Variants in PRKAG2 observed in about 807,000 individuals in gnomAD.
PRKAG2 encodes 5'-AMP-activated protein kinase subunit gamma-2.
Under a neutral mutation model 69.6 loss-of-function variants are expected in PRKAG2, and 26 were observed. That is an observed-to-expected ratio of 0.37 (90% CI 0.27 to 0.52). PRKAG2 has a LOEUF of 0.52. PRKAG2 is among the 20% of genes least tolerant of loss of function. The probability of loss-of-function intolerance (pLI) is 0.90; values close to 1 mark genes in which losing one functional copy is unlikely to be tolerated. For synonymous variants in PRKAG2, 293 were observed against 285.0 expected, an observed-to-expected ratio of 1.03 and a Z score of -0.28; for missense variants, 557 against 740.0, an observed-to-expected ratio of 0.75 and a Z score of 2.87.
chr7:151,762,339 A>G (rs1195774382), intron 3 of PRKAG2, among the ~76,000 whole-genome samples: 1 of 152,210 alleles, frequency 6.6e-6, no homozygotes, highest in Non-Finnish European at 1.5e-5. Context: ...AGGCTTGGCT[A>G]TCTCACAGTA....
At chr7:151,618,309 C>T (rs1386760578) in intron 5 of PRKAG2, among the ~76,000 whole-genome samples, 6 of 151,834 alleles carry the variant, frequency 4.0e-5, no homozygotes, top group African/African-American at 4.8e-5. Flanking sequence ...AAAAATTAGC[C>T]GGGCATGGTG....
At chr7:151,737,414 A>G (rs2151702494) in intron 3 of PRKAG2, among the ~76,000 whole-genome samples, 1 of 152,028 alleles carries the variant, frequency 6.6e-6, no homozygotes, top group East Asian at 1.9e-4. Flanking sequence ...GATTCTTCCC[A>G]AATGACTATG....
chr7:151,688,413 T>C (rs1326246717), intron 3 of PRKAG2, among the ~76,000 whole-genome samples: 1 of 152,236 alleles, frequency 6.6e-6, no homozygotes, highest in African/African-American at 2.4e-5. Context: ...GCTATCGCTA[T>C]GATGTAAAAC....
chr7:151,838,254 T>C (rs975334828), intron 1 of PRKAG2, among the ~76,000 whole-genome samples: 3 of 152,130 alleles, frequency 2.0e-5, no homozygotes, highest in African/African-American at 7.2e-5. Context: ...AGCGGGGCTG[T>C]GGCGTTGCAC....
chr7:151,699,500 T>C lies in PRKAG2; in HGVS notation c.467-23863A>G, dbSNP rs1157360708. On this transcript the variant is annotated intron_variant, in intron 3 of 15. Transcript: ENST00000287878. This position sits in a 1 kb window ranked among gnomAD's most constrained non-coding sequence, Gnocchi z 4.5. The stretch of plus-strand genomic sequence containing the variant: ...CAGCACAGGAGGCCCCTCCTTCCTG[T>C]TGGAGATGTTTAGTTTTATGATTAA... Among the ~76,000 whole-genome samples the C allele has an allele frequency of 6.6e-6, 1 of 152,140 alleles. No individual in the cohort carries two copies. Among genetic ancestry groups the C allele is most frequent in the Admixed American group, 6.5e-5 (1 of 15,274 alleles).
At chr7:151,658,111 T>C (rs1036185486) in intron 4 of PRKAG2, among the ~76,000 whole-genome samples, 3 of 150,414 alleles carry the variant, frequency 2.0e-5, no homozygotes, top group Admixed American at 6.7e-5. Context: ...TGAGCCGAGA[T>C]TGCGCCACTG....
intron 3 of PRKAG2, among the ~76,000 whole-genome samples, chr7:151,775,193 A>C (rs2076279777): frequency 6.6e-6 from 1 of 152,134 alleles, no homozygotes. Context: ...TGCCAACTGG[A>C]CCTCTTATCC....
chr7:151,669,130 A>T (rs762306870), intron 4 of PRKAG2, among the ~76,000 whole-genome samples: 8 of 151,434 alleles, frequency 5.3e-5, no homozygotes, highest in Non-Finnish European at 1.2e-4. Flanking sequence ...CCAATCTTTA[A>T]TTTCTCCCTG....
chr7:151,747,786 G>T (rs919047209), intron 3 of PRKAG2, among the ~76,000 whole-genome samples: 2 of 152,002 alleles, frequency 1.3e-5, no homozygotes, highest in Non-Finnish European at 2.9e-5. Context: ...TTTCAGATTG[G>T]CTTTATCCCA....
intron 3 of PRKAG2, among the ~76,000 whole-genome samples, chr7:151,754,924 A>T (rs2074975093): frequency 6.6e-6 from 1 of 152,086 alleles, no homozygotes; most frequent in Admixed American, 6.6e-5. Context: ...ACCTGTGTCT[A>T]TCTGCAGGAA....
intron 3 of PRKAG2, chr7:151,735,952 C>T: frequency 6.5e-7 from 1 of 1,536,392 alleles, no homozygotes; most frequent in Non-Finnish European, 8.7e-7. Context: ...GATTTTGGTC[C>T]TTGTGTTTCT....
In PRKAG2 at chr7:151,644,088, C is replaced by A. The variant is rs936704887; in HGVS notation, c.685-11950G>T. ...GACTGTGGGGACTTGGAGGGAAGAG[C>A]GGAAGCGGGGCAAGGGATAAAAGAC... On this transcript the variant is annotated intron_variant, in intron 4 of 15. Transcript: ENST00000287878. 5.3e-5 allele frequency among the ~76,000 whole-genome samples: 8 copies of A among 152,168 alleles called. No individual in the cohort carries two copies. The South Asian group carries it at 6.2e-4, about 12-fold the overall frequency.
At chr7:151,742,247 C>G (rs550800441) in intron 3 of PRKAG2, among the ~76,000 whole-genome samples, 1 of 152,076 alleles carries the variant, frequency 6.6e-6, no homozygotes, top group African/African-American at 2.4e-5. Flanking sequence ...TCCAGAGGAC[C>G]GCTGTGGACT....
chr7:151,749,133 G>A (rs2074498768), intron 3 of PRKAG2, among the ~76,000 whole-genome samples: 1 of 152,230 alleles, frequency 6.6e-6, no homozygotes, highest in Non-Finnish European at 1.5e-5. Flanking sequence ...GGTTAAGCAA[G>A]AGAACTGGAT....
intron 2 of PRKAG2, among the ~76,000 whole-genome samples, chr7:151,783,802 A>G (rs1029583642): frequency 2.0e-5 from 3 of 149,600 alleles, no homozygotes; most frequent in African/African-American, 7.4e-5. Context: ...CTACTCAAGC[A>G]GCTGAGGTGG....
chr7:151,747,050 T>C (rs374502385), intron 3 of PRKAG2, among the ~76,000 whole-genome samples: 1 of 152,154 alleles, frequency 6.6e-6, no homozygotes, highest in South Asian at 2.1e-4. Flanking sequence ...GTAGGTACCA[T>C]TCAAGGCAGG....
intron 3 of PRKAG2, among the ~76,000 whole-genome samples, chr7:151,714,239 C>A (rs932103963): frequency 6.6e-6 from 1 of 152,208 alleles, no homozygotes; most frequent in African/African-American, 2.4e-5. Flanking sequence ...CAGTTACTCA[C>A]CGGCCTAACT....
intron 1 of PRKAG2, among the ~76,000 whole-genome samples, chr7:151,861,527 C>CAAAAAAAAAAAAAAAA (rs1563762540): frequency 6.6e-5 from 4 of 60,394 alleles, no homozygotes; most frequent in Admixed American, 1.8e-4. Flanking sequence ...GACTCTGTCT[C>CAAAAAAAAAAAAAAAA]CAAAAAAAAA....
In PRKAG2 at chr7:151,595,452, C is replaced by T. The variant is rs1814251529; in HGVS notation, c.757G>A (p.Val253Ile). 7.4e-6 allele frequency: 12 copies of T among 1,611,390 alleles called. No homozygotes were observed. The highest frequency in any genetic ancestry group is 1.0e-5 in the Non-Finnish European group (12 of 1,177,834). ...TAAACACCACTTTCTGAGTCTTCTA[C>T]TGCTAAAAGAAAAAAAGGCAAAACA... is the stretch of plus-strand genomic sequence containing the variant. The part of the protein sequence containing the change: ...LEKLEFEDEA[V>I]EDSESGVYMR... Residue 253 changes from valine to isoleucine, a missense_variant and splice_region_variant, in exon 6 of 16, where the codon GTA becomes ATA. This residue lies in a region of PRKAG2 where 352 missense variants were observed against 356.7 expected (regional missense o/e 0.99). Transcript: ENST00000287878.
Sources: allele counts gnomAD v4.1 joint callset (sites outside exome capture counted in the v4.1 genomes callset), GRCh38; gene constraint gnomAD v4.1.1; regional missense constraint gnomAD v4.1.1; non-coding constraint Gnocchi (gnomAD v3.1); transcripts MANE v1.5; gene names NCBI Gene and HGNC (gene_info 2026-07-23, HGNC 2026-07-21).